NRG1: variants seen among roughly 807,000 people sequenced by gnomAD.
The protein encoded by NRG1 is neuregulin 1, also known as pro-neuregulin-1, membrane-bound isoform.
Under a neutral mutation model 63.8 loss-of-function variants are expected in NRG1, and 18 were observed. The observed-to-expected ratio is 0.28, with a 90% CI of 0.19 to 0.42. The LOEUF is 0.42. Among genes scored for constraint, NRG1 ranks in the 10% least tolerant of loss-of-function variants. The probability of loss-of-function intolerance (pLI) is 1.00; values close to 1 mark genes in which losing one functional copy is unlikely to be tolerated. For synonymous variants in NRG1, 302 were observed against 301.3 expected (o/e 1.00, Z -0.02); for missense variants, 762 against 814.7 (o/e 0.94, Z 0.79).
intron 1 of NRG1, among the ~76,000 whole-genome samples, chr8:32,101,442 C>G (rs1830563722): frequency 6.6e-6 from 1 of 150,910 alleles, no homozygotes; most frequent in African/African-American, 2.4e-5. Context: ...AGGAGGCCAG[C>G]AGTCTTTTTC....
intron 5 of NRG1, among the ~76,000 whole-genome samples, chr8:32,687,591 G>A (rs1222645883): frequency 1.3e-5 from 2 of 152,124 alleles, no homozygotes; most frequent in Non-Finnish European, 2.9e-5. Context: ...TCCCAGGCAG[G>A]GACCCTCTAG....
intron 5 of NRG1, among the ~76,000 whole-genome samples, chr8:32,663,406 T>C (rs1803358425): frequency 6.6e-6 from 1 of 152,206 alleles, no homozygotes; most frequent in Non-Finnish European, 1.5e-5. Flanking sequence ...GCATTTCTTT[T>C]ATCCATGTAC....
At position 31,856,868 on chromosome 8, in the gene NRG1, G is replaced by A. The variant is rs1474227738; in HGVS notation, c.37+217437G>A. 9.2e-5 allele frequency among the ~76,000 whole-genome samples: 14 copies of A among 152,208 alleles called. No homozygotes were observed. In the Middle Eastern group the frequency reaches 0.014, roughly 148 times the overall value. ...CAGCTGCACTTCTGTTGGAGTACCC[G>A]GCCGTGTGAGGTGTCAGTCTGCCCC... On this transcript the variant is annotated intron_variant, in intron 1 of 10. Transcript: ENST00000519301.
chr8:31,799,520 A>T (rs1312050171), intron 1 of NRG1, among the ~76,000 whole-genome samples: 1 of 152,140 alleles, frequency 6.6e-6, no homozygotes, highest in Admixed American at 6.5e-5. Context: ...AGTATCCATG[A>T]TTCCAACCAG....
At chr8:32,274,172 G>A (rs1451298726) in intron 1 of NRG1, among the ~76,000 whole-genome samples, 1 of 152,182 alleles carries the variant, frequency 6.6e-6, no homozygotes, top group Non-Finnish European at 1.5e-5. Flanking sequence ...AAAAATACAT[G>A]CAGAGTGCAA....
intron 1 of NRG1, among the ~76,000 whole-genome samples, chr8:31,840,051 G>T (rs73576530): frequency 2.0e-5 from 3 of 152,140 alleles, no homozygotes; most frequent in African/African-American, 4.8e-5. Context: ...GAGCGTCCCC[G>T]CAAGCAGAGC....
At chr8:31,759,759 T>A (rs981613570) in intron 1 of NRG1, among the ~76,000 whole-genome samples, 2 of 152,112 alleles carry the variant, frequency 1.3e-5, no homozygotes, top group Non-Finnish European at 2.9e-5. Flanking sequence ...TGGCTCAGAG[T>A]TTGATTGGTA....
chr8:32,050,228 G>C (rs1465649453), intron 1 of NRG1, among the ~76,000 whole-genome samples: 1 of 151,926 alleles, frequency 6.6e-6, no homozygotes, highest in East Asian at 1.9e-4. Context: ...ATCTGTTTTT[G>C]GCAAGTAAAC....
At chr8:32,356,357 A>T (rs1806389466) in intron 1 of NRG1, among the ~76,000 whole-genome samples, 1 of 152,162 alleles carries the variant, frequency 6.6e-6, no homozygotes, top group Non-Finnish European at 1.5e-5. Context: ...CATCATCCTA[A>T]ACTTTAAAGA....
At chr8:32,566,310 T>C in intron 1 of NRG1, among the ~76,000 whole-genome samples, 1 of 128,606 alleles carries the variant, frequency 7.8e-6, no homozygotes, top group Non-Finnish European at 1.6e-5. Flanking sequence ...TGAGCCGAGA[T>C]CACACCACTT....
intron 1 of NRG1, among the ~76,000 whole-genome samples, chr8:31,807,948 CGTGTGTGTGTGT>C (rs71208141): frequency 0.023 from 3,175 of 137,146 alleles, 114 homozygotes; most frequent in African/African-American, 0.074. Flanking sequence ...AGAGTATTCG[CGTGTGTGTGTGT>C]GTGTGTGTGT....
exon 1 of NRG1, chr8:32,548,753 C>T (rs374336134): frequency 3.1e-6 from 5 of 1,589,680 alleles, no homozygotes; most frequent in African/African-American, 1.3e-5. Context: ...AAGGCAGAGG[C>T]AAAGGGAAGG....
intron 1 of NRG1, among the ~76,000 whole-genome samples, chr8:32,011,060 A>T (rs189172832): frequency 6.6e-6 from 1 of 152,116 alleles, no homozygotes. Context: ...TGATAATAAG[A>T]TACAAAAGAG....
At chr8:32,734,029 G>A (rs1824388816) in intron 6 of NRG1, among the ~76,000 whole-genome samples, 1 of 152,190 alleles carries the variant, frequency 6.6e-6, no homozygotes, top group African/African-American at 2.4e-5. Context: ...CTGAAGGTCA[G>A]GCAGAGGACT....
At chr8:32,642,649 A>G (rs1474588987) in intron 5 of NRG1, among the ~76,000 whole-genome samples, 2 of 152,072 alleles carry the variant, frequency 1.3e-5, no homozygotes. Context: ...TGCCATTTGT[A>G]TGTAGGGATC....
At chr8:32,030,532 G>A (rs1368811583) in intron 1 of NRG1, 1 of 151,992 alleles carries the variant, frequency 6.6e-6, no homozygotes, top group Non-Finnish European at 1.5e-5. Flanking sequence ...TCTTTCATAT[G>A]TGAAATAAAA....
intron 3 of NRG1, among the ~76,000 whole-genome samples, chr8:32,606,726 A>C (rs1263900722): frequency 6.6e-6 from 1 of 152,166 alleles, no homozygotes; most frequent in Non-Finnish European, 1.5e-5. Flanking sequence ...TCTGTTATAT[A>C]ACCAAGCCTA....
chr8:32,277,068 C>T (rs530519309), intron 1 of NRG1, among the ~76,000 whole-genome samples: 1 of 152,172 alleles, frequency 6.6e-6, no homozygotes, highest in Non-Finnish European at 1.5e-5. Context: ...CTGCCTCATT[C>T]CTGAATTTAA....
At chr8:32,125,794 C>T (rs1833997574) in intron 1 of NRG1, among the ~76,000 whole-genome samples, 1 of 152,016 alleles carries the variant, frequency 6.6e-6, no homozygotes, top group African/African-American at 2.4e-5. Flanking sequence ...GCTCTCTCCT[C>T]TCCAACATAT....
Sources: gnomAD v4.1 joint callset for allele counts (sites outside exome capture counted in the v4.1 genomes callset) on GRCh38, gnomAD v4.1.1 for gene constraint, MANE v1.5 for transcripts, NCBI Gene and HGNC (gene_info 2026-07-23, HGNC 2026-07-21) for gene names.